The following OR51E1 variants were observed in gnomAD, a reference collection of about 807,000 sequenced individuals.
The protein encoded by OR51E1 is olfactory receptor 51E1.
In OR51E1, 9 loss-of-function variants were observed where a neutral mutation model predicts 11.5. The ratio of observed to expected loss-of-function variants is 0.78; its 90% CI spans 0.47 to 1.37. The LOEUF (loss-of-function observed/expected upper bound fraction) is 1.37. Ranked by LOEUF, OR51E1 falls within the 40% of genes most tolerant of loss-of-function variation. The probability of loss-of-function intolerance (pLI) is 0.00; values close to 1 mark genes in which losing one functional copy is unlikely to be tolerated. For missense variants in OR51E1, 397 were observed against 410.2 expected (o/e 0.97, Z 0.28); for synonymous variants, 168 against 158.3 (o/e 1.06, Z -0.46).
In OR51E1 at chr11:4,655,245, G is replaced by A. The variant is rs886555029; in HGVS notation, c.*1762G>A. 1.8e-5 allele frequency: 3 copies of A among 167,068 alleles called. No individual in the cohort carries two copies. The highest frequency in any genetic ancestry group is 6.5e-5 in the Admixed American group (1 of 15,288). The allele number at this position is 167,068 out of a possible 1,614,324, so 10.3% of individuals were successfully genotyped here. ...AAATTCTGGCCATTACTTCCAATGT[G>A]AGTGGAAGTGACATGTGCAATTTCT... On this transcript the variant is annotated 3_prime_UTR_variant, in exon 2 of 2. Coordinates refer to ENST00000396952, the MANE Select transcript of OR51E1 (RefSeq NM_152430.4).
chr11:4,644,454 G>T (rs1847003722), intron 1 of OR51E1, among the ~76,000 whole-genome samples: 1 of 152,048 alleles, frequency 6.6e-6, no homozygotes, highest in Non-Finnish European at 1.5e-5. Context: ...GCTGCAGCTG[G>T]GGTGGAAGTG....
At position 4,653,345 on chromosome 11, in the gene OR51E1, G is replaced by T; in HGVS notation, c.819G>T (p.Pro273=). The change falls in exon 2 of 2, where the codon CCG becomes CCT. Residue 273 remains proline, a synonymous_variant. Transcript: ENST00000396952. ...GCTTTAGCAAGCGGCGTGACTCTCC[G>T]CTGCCCGTCATCTTGGCCAATATCT... ...VHRFSKRRDS[P]LPVILANIYL... The T allele has an allele frequency of 6.2e-7, 1 of 1,613,742 alleles. No individual in the cohort carries two copies. Among genetic ancestry groups the T allele is most frequent in the Non-Finnish European group, 8.5e-7 (1 of 1,179,860 alleles).
chr11:4,651,014 G>C (rs946803400), intron 1 of OR51E1, among the ~76,000 whole-genome samples: 18 of 150,846 alleles, frequency 1.2e-4, no homozygotes, highest in African/African-American at 3.9e-4. Context: ...TATAGTAGGA[G>C]CACATGAATA....
rs74052482 is a variant in OR51E1, at chr11:4,646,685, G to A, written c.-40+2655G>A. 4.5e-3 allele frequency among the ~76,000 whole-genome samples: 688 copies of A among 152,328 alleles called. 3 individuals are homozygous for A. Among genetic ancestry groups the A allele is most frequent in the African/African-American group, 0.015 (639 of 41,574 alleles). On this transcript the variant is annotated intron_variant, in intron 1 of 1. Transcript: ENST00000396952. ...CTGAAAGAGGAGGTGAGTGTCCCAA[G>A]TTCCAGTGCAGAAGAGTCTTCTTTG...
At position 4,646,042 on chromosome 11, in the gene OR51E1, G is replaced by A. The variant is rs372742094; in HGVS notation, c.-40+2012G>A. On this transcript the variant is annotated intron_variant, in intron 1 of 1. Coordinates refer to ENST00000396952, the MANE Select transcript of OR51E1 (RefSeq NM_152430.4). ...AAGGGACTCTATTTAAGAATCAAGT[G>A]ACAAGCTCCTCCAGTCCTTGCCAGC... is the stretch of plus-strand genomic sequence containing the variant. Among the ~76,000 whole-genome samples, 53 of 152,248 alleles carry A rather than the reference G, an allele frequency of 3.5e-4. 1 individual carries two copies. In the South Asian group the frequency reaches 0.011, roughly 32 times the overall value.
At chr11:4,648,969 A>G (rs530063369) in intron 1 of OR51E1, among the ~76,000 whole-genome samples, 40 of 152,294 alleles carry the variant, frequency 2.6e-4, no homozygotes, top group East Asian at 1.5e-3. Context: ...CCTTCCAAAC[A>G]TCATCTCATC....
rs1847158442 is a variant in OR51E1, at chr11:4,655,474, T to A, written c.*1991T>A. ...AAGTGAAAAATAAAGTACTATTGTG[T>A]CAAGTCTCTGAAAATGATTTTGTTG... On this transcript the variant is annotated 3_prime_UTR_variant, in exon 2 of 2. Transcript: ENST00000396952. 6.1e-6 allele frequency: 1 copy of A among 162,828 alleles called. No homozygotes were observed. The highest frequency in any genetic ancestry group is 1.5e-5 in the Non-Finnish European group (1 of 68,096). The allele number at this position is 162,828 out of a possible 1,614,324, so 10.1% of individuals were successfully genotyped here. A position where few individuals can be genotyped will look rare whatever the true frequency, so the allele number is the denominator to read the frequency against.
Position 4,653,670 on chromosome 11 carries a change from C to T in OR51E1, c.*187C>T. On this transcript the variant is annotated 3_prime_UTR_variant, in exon 2 of 2. Transcript: ENST00000396952. ...TATTTTCTTCTTTGTTTTCTTGCTA[C>T]ATATAATTATTAATACCCTGACTAG... 3 of 548,568 alleles carry T rather than the reference C, an allele frequency of 5.5e-6. No homozygotes were observed. Among genetic ancestry groups the T allele is most frequent in the Non-Finnish European group, 9.9e-6 (3 of 303,532 alleles). 34.0% of individuals were successfully genotyped at this position (548,568 alleles called of 1,614,324 possible). A position where few individuals can be genotyped will look rare whatever the true frequency, so the allele number is the denominator to read the frequency against.
rs1204289391 is a variant in OR51E1 at position 4,655,010 on chromosome 11, A to G, written c.*1527A>G. The G allele has an allele frequency of 1.2e-5, 2 of 166,992 alleles. No homozygotes were observed. Among genetic ancestry groups the G allele is most frequent in the Non-Finnish European group, 2.9e-5 (2 of 68,116 alleles). The allele number at this position is 166,992 out of a possible 1,614,324, so 10.3% of individuals were successfully genotyped here. On this transcript the variant is annotated 3_prime_UTR_variant, in exon 2 of 2. Transcript: ENST00000396952. ...ATTTAATACTTGTATTTGCTGCTGG[A>G]CTGTAAGCCCATGAGGGCACTGTTT...
At chr11:4,649,602 G>T (rs1030347653) in intron 1 of OR51E1, among the ~76,000 whole-genome samples, 1 of 152,112 alleles carries the variant, frequency 6.6e-6, no homozygotes, top group African/African-American at 2.4e-5. Flanking sequence ...AGTTTCAAGG[G>T]TATTTTTTAA....
intron 1 of OR51E1, among the ~76,000 whole-genome samples, chr11:4,647,976 G>A (rs536552147): frequency 1.3e-5 from 2 of 152,252 alleles, no homozygotes; most frequent in South Asian, 4.1e-4. Context: ...AAGCTGGAAG[G>A]CCACCTGGAA....
At chr11:4,645,278 C>T (rs1479963565) in intron 1 of OR51E1, among the ~76,000 whole-genome samples, 1 of 152,098 alleles carries the variant, frequency 6.6e-6, no homozygotes, top group Non-Finnish European at 1.5e-5. Context: ...GTTGTCTAAC[C>T]GAATGCTGCT....
chr11:4,646,755 T>A (rs1382826400), intron 1 of OR51E1, among the ~76,000 whole-genome samples: 1 of 152,192 alleles, frequency 6.6e-6, no homozygotes, highest in Non-Finnish European at 1.5e-5. Context: ...AGGGCAGCTG[T>A]GCTACTTACC....
intron 1 of OR51E1, among the ~76,000 whole-genome samples, chr11:4,649,573 T>C (rs552847487): frequency 6.6e-6 from 1 of 152,328 alleles, no homozygotes; most frequent in Admixed American, 6.5e-5. Context: ...GTTTAGTCTT[T>C]ATTCTAGAAT....
intron 1 of OR51E1, among the ~76,000 whole-genome samples, chr11:4,646,074 A>G (rs1206366089): frequency 6.6e-6 from 1 of 152,188 alleles, no homozygotes; most frequent in Non-Finnish European, 1.5e-5. Flanking sequence ...CAGCCACAGC[A>G]TTGCCCCTGA....
Position 4,653,379 on chromosome 11 carries a change from G to T in OR51E1, c.853G>T (p.Val285Phe), listed in dbSNP as rs1274504112. The T allele has an allele frequency of 3.1e-6, 5 of 1,613,974 alleles. No individual in the cohort carries two copies. Among genetic ancestry groups the T allele is most frequent in the Non-Finnish European group, 4.2e-6 (5 of 1,179,976 alleles). The change falls in exon 2 of 2, where the codon GTT (valine) becomes TTT (phenylalanine). Residue 285 changes from valine (V) to phenylalanine (F), a missense_variant. Transcript: ENST00000396952. ...PVILANIYLL[V>F]PPVLNPIVYG... ...CATCTTGGCCAATATCTATCTGCTG[G>T]TTCCTCCTGTGCTCAACCCAATTGT...
chr11:4,647,799 C>T (rs971765932), intron 1 of OR51E1, among the ~76,000 whole-genome samples: 5 of 152,122 alleles, frequency 3.3e-5, no homozygotes, highest in Admixed American at 1.3e-4. Flanking sequence ...AAAATCTCAG[C>T]ACAGGGCTAT....
rs761051068 is a variant in OR51E1, at chr11:4,653,512, C to T, written c.*29C>T. 10 of 1,324,662 alleles carry T rather than the reference C, an allele frequency of 7.5e-6. No individual in the cohort carries two copies. The African/African-American group carries it at 1.2e-4, about 16-fold the overall frequency. 82.1% of individuals were successfully genotyped at this position (1,324,662 alleles called of 1,614,324 possible). On this transcript the variant is annotated 3_prime_UTR_variant, in exon 2 of 2. Coordinates refer to ENST00000396952, the MANE Select transcript of OR51E1 (RefSeq NM_152430.4). ...TCAGTGATCAAACTTCTTTTCCATT[C>T]AGAGTCCTCTGATTCAGATTTTAAT...
In OR51E1 at chr11:4,654,439, A is replaced by T. The variant is rs1298009305; in HGVS notation, c.*956A>T. On this transcript the variant is annotated 3_prime_UTR_variant, in exon 2 of 2. Transcript: ENST00000396952. ...GCTTATTGTCCTGGTCCAATTGCCA[A>T]TTACCTGTGTCTTGGAAGAAGTGAT... The T allele has an allele frequency of 6.0e-6, 1 of 167,104 alleles. No individual in the cohort carries two copies. The highest frequency in any genetic ancestry group is 2.4e-5 in the African/African-American group (1 of 41,448). The allele number at this position is 167,104 out of a possible 1,614,324, so 10.4% of individuals were successfully genotyped here.
Sources: allele counts gnomAD v4.1 joint callset (sites outside exome capture counted in the v4.1 genomes callset), GRCh38; gene constraint gnomAD v4.1.1; transcripts MANE v1.5; gene names NCBI Gene and HGNC (gene_info 2026-07-23, HGNC 2026-07-21).